Variants in TBC1D12 observed in about 807,000 individuals in gnomAD.
TBC1D12 encodes TBC1 domain family, member 12.
A neutral mutation model predicts 86.7 loss-of-function variants in TBC1D12; 56 were observed. The ratio of observed to expected loss-of-function variants is 0.65; its 90% CI spans 0.52 to 0.81. The LOEUF is 0.81. TBC1D12 is among the 30% of genes least tolerant of loss of function. TBC1D12 has a pLI of 0.00. For synonymous variants in TBC1D12, 421 were observed against 411.7 expected, an observed-to-expected ratio of 1.02 and a Z score of -0.27; for missense variants, 1,023 against 1,038.8, an observed-to-expected ratio of 0.98 and a Z score of 0.21.
chr10:94,417,361 A>G (rs1460742734), intron 1 of TBC1D12, among the ~76,000 whole-genome samples: 3 of 152,234 alleles, frequency 2.0e-5, no homozygotes, highest in Non-Finnish European at 4.4e-5. Flanking sequence ...GAGACATACC[A>G]GTAGCCTTTT....
Position 94,474,654 on chromosome 10 carries a change from T to C in TBC1D12, c.1096-14T>C. The C allele has an allele frequency of 6.2e-7, 1 of 1,602,464 alleles. No homozygotes were observed. The highest frequency in any genetic ancestry group is 1.7e-4 in the Middle Eastern group (1 of 6,048). ...GAGCAGTTTCTGCATAAGGTATGTT[T>C]TAATTTACTCTAGGAATATGAAGCA... On this transcript the variant is annotated splice_polypyrimidine_tract_variant and intron_variant, in intron 2 of 12. Transcript: ENST00000225235.
At position 94,497,087 on chromosome 10, in the gene TBC1D12, A is replaced by T; in HGVS notation, c.1327A>T (p.Met443Leu). Reference sequence around the variant, plus strand: ...GGAAGCACATAAAAGAAAAAGAATCATGAAAGAACGATTTAAGCAGGAAGA... The same window carrying T: ...GGAAGCACATAAAAGAAAAAGAATCTTGAAAGAACGATTTAAGCAGGAAGA... ...IKEAHKRKRI[M>L]KERFKQEENI... Residue 443 changes from methionine to leucine, a missense_variant, in exon 5 of 13, where the codon ATG becomes TTG. Transcript: ENST00000225235. 1 of 1,569,226 alleles carries T rather than the reference A, an allele frequency of 6.4e-7. No homozygotes were observed. Among genetic ancestry groups the T allele is most frequent in the Non-Finnish European group, 8.6e-7 (1 of 1,164,764 alleles).
chr10:94,464,272 T>C (rs1329020105), intron 2 of TBC1D12, among the ~76,000 whole-genome samples: 1 of 152,216 alleles, frequency 6.6e-6, no homozygotes, highest in African/African-American at 2.4e-5. Context: ...TTTACCATCT[T>C]GCTATTTCTT....
chr10:94,523,192 C>CAAAAAAAAAAAA (rs33935088), intron 11 of TBC1D12, among the ~76,000 whole-genome samples: 2 of 44,110 alleles, frequency 4.5e-5, no homozygotes, highest in African/African-American at 9.1e-5. Context: ...AACTCTATCT[C>CAAAAAAAAAAAA]AAAAAAAAAA....
chr10:94,497,686 ATTT>A (rs11352922), intron 5 of TBC1D12, among the ~76,000 whole-genome samples: 2 of 142,866 alleles, frequency 1.4e-5, no homozygotes, highest in Admixed American at 1.4e-4. Flanking sequence ...CGCCTGGCTA[ATTT>A]TTTTTTTTTT....
intron 1 of TBC1D12, among the ~76,000 whole-genome samples, chr10:94,435,909 A>G (rs767853029): frequency 6.6e-6 from 1 of 152,204 alleles, no homozygotes; most frequent in Non-Finnish European, 1.5e-5. Context: ...AGGTCCCGAT[A>G]CTATTTATTA....
At chr10:94,417,626 T>C (rs1237518823) in intron 1 of TBC1D12, among the ~76,000 whole-genome samples, 1 of 152,158 alleles carries the variant, frequency 6.6e-6, no homozygotes, top group Non-Finnish European at 1.5e-5. Context: ...AGTGTAAAAG[T>C]TCTGTACATT....
At chr10:94,467,012 T>A (rs2055834531) in intron 2 of TBC1D12, among the ~76,000 whole-genome samples, 1 of 152,208 alleles carries the variant, frequency 6.6e-6, no homozygotes, top group African/African-American at 2.4e-5. Flanking sequence ...CATGATTTCC[T>A]TATGACTTGA....
At chr10:94,464,887 TTAATG>T (rs1202172888) in intron 2 of TBC1D12, among the ~76,000 whole-genome samples, 1 of 152,240 alleles carries the variant, frequency 6.6e-6, no homozygotes, top group Non-Finnish European at 1.5e-5. Context: ...GCAGATCTCT[TTAATG>T]TATGGCATAA....
intron 1 of TBC1D12, among the ~76,000 whole-genome samples, chr10:94,432,325 CCCCTTAAGAT>C (rs1425192393): frequency 6.6e-6 from 1 of 152,120 alleles, no homozygotes; most frequent in African/African-American, 2.4e-5. Context: ...CTGGGTTTTC[CCCCTTAAGAT>C]TTAATAAAGT....
intron 1 of TBC1D12, among the ~76,000 whole-genome samples, chr10:94,412,717 G>A (rs1454197190): frequency 2.0e-5 from 3 of 152,216 alleles, no homozygotes; most frequent in East Asian, 3.9e-4. Context: ...ATTTTGAGAC[G>A]ATACATCTGT....
chr10:94,438,130 T>G (rs1202651082), intron 1 of TBC1D12, among the ~76,000 whole-genome samples: 2 of 151,988 alleles, frequency 1.3e-5, no homozygotes, highest in East Asian at 3.9e-4. Flanking sequence ...TTTCTTGGTA[T>G]GTTTTGTAAT....
At chr10:94,426,499 A>C (rs2055148179) in intron 1 of TBC1D12, among the ~76,000 whole-genome samples, 2 of 152,106 alleles carry the variant, frequency 1.3e-5, no homozygotes, top group Non-Finnish European at 2.9e-5. Flanking sequence ...TCAAGTGTTG[A>C]ATGAGCCTTG....
intron 1 of TBC1D12, among the ~76,000 whole-genome samples, chr10:94,404,893 C>T (rs2054830717): frequency 6.6e-6 from 1 of 151,878 alleles, no homozygotes; most frequent in African/African-American, 2.4e-5. Flanking sequence ...CTAAAATATA[C>T]AAAAATTAGC....
intron 2 of TBC1D12, among the ~76,000 whole-genome samples, chr10:94,450,618 G>A (rs908654217): frequency 1.3e-5 from 2 of 152,028 alleles, no homozygotes; most frequent in African/African-American, 2.4e-5. Context: ...GATTATAGGA[G>A]CTGAATTAGA....
intron 1 of TBC1D12, among the ~76,000 whole-genome samples, chr10:94,438,414 A>C (rs934072951): frequency 1.8e-5 from 2 of 110,358 alleles, no homozygotes; most frequent in Non-Finnish European, 3.8e-5. Flanking sequence ...TACCTTTTTT[A>C]TTGTTCTAAT....
chr10:94,415,100 T>A (rs1219840604), intron 1 of TBC1D12, among the ~76,000 whole-genome samples: 1 of 152,108 alleles, frequency 6.6e-6, no homozygotes, highest in East Asian at 1.9e-4. Context: ...ATCTAGCAAA[T>A]GGAATTAAAG....
chr10:94,497,025 A>G, intron 4 of TBC1D12, 30 bp from the exon 5 acceptor site: 3 of 1,364,100 alleles, frequency 2.2e-6, no homozygotes, highest in East Asian at 2.6e-5. Flanking sequence ...GCTTATTTGT[A>G]TTGAAATAAT....
chr10:94,403,421 C>A lies in TBC1D12; in HGVS notation c.808C>A (p.His270Asn). 3 of 1,549,888 alleles carry A rather than the reference C, an allele frequency of 1.9e-6. No individual in the cohort carries two copies. Among genetic ancestry groups the A allele is most frequent in the South Asian group, 2.4e-5 (2 of 83,982 alleles). ...AEPRLGFSDIHFNSRNTFQVS... is the reference protein window; with the variant it reads ...AEPRLGFSDINFNSRNTFQVS... ...GCCGCGCCTGGGCTTTTCTGACATT[C>A]ACTTCAACTCTCGCAACACGTTCCA... Residue 270 changes from histidine to asparagine, a missense_variant, in exon 1 of 13, where the codon CAC becomes AAC. Physicochemically the swap from His to Asn is moderately conservative, Grantham distance 68. Coordinates refer to ENST00000225235, the MANE Select transcript of TBC1D12 (RefSeq NM_015188.2).
Sources: gnomAD v4.1 joint callset for allele counts (sites outside exome capture counted in the v4.1 genomes callset) on GRCh38, gnomAD v4.1.1 for gene constraint, MANE v1.5 for transcripts, NCBI Gene and HGNC (gene_info 2026-07-23, HGNC 2026-07-21) for gene names.